Variants in KHDRBS3 observed in about 807,000 individuals in gnomAD.
KHDRBS3 encodes the protein KH RNA binding domain containing, signal transduction associated 3.
In KHDRBS3, 23 loss-of-function variants were observed where a neutral mutation model predicts 45.6. The ratio of observed to expected loss-of-function variants is 0.50; its 90% CI spans 0.36 to 0.72. KHDRBS3 has a LOEUF of 0.72. KHDRBS3 is among the 30% of genes least tolerant of loss of function. KHDRBS3 has a pLI of 0.00. For synonymous variants in KHDRBS3, 162 were observed against 156.5 expected, an observed-to-expected ratio of 1.04 and a Z score of -0.26; for missense variants, 352 against 424.8, an observed-to-expected ratio of 0.83 and a Z score of 1.51.
chr8:135,523,146 T>A (rs1321298845), intron 2 of KHDRBS3, among the ~76,000 whole-genome samples: 4 of 152,176 alleles, frequency 2.6e-5, no homozygotes, highest in Non-Finnish European at 5.9e-5. Context: ...ATACTTTAGA[T>A]CCTTTACAAT....
chr8:135,467,714 C>T (rs991662349), intron 1 of KHDRBS3, among the ~76,000 whole-genome samples: 5 of 152,252 alleles, frequency 3.3e-5, no homozygotes, highest in African/African-American at 9.6e-5. Context: ...GGGCACACCA[C>T]GTCTGTGTCG....
chr8:135,533,294 T>C, intron 2 of KHDRBS3, among the ~76,000 whole-genome samples: 1 of 152,172 alleles, frequency 6.6e-6, no homozygotes, highest in East Asian at 1.9e-4. Context: ...GATCCTTCTT[T>C]TGTGCCTAGT....
chr8:135,543,994 C>T (rs1826168569), intron 3 of KHDRBS3, among the ~76,000 whole-genome samples: 1 of 152,110 alleles, frequency 6.6e-6, no homozygotes, highest in Non-Finnish European at 1.5e-5. Flanking sequence ...CTAAACATTG[C>T]TCTCTTAAAT....
intron 7 of KHDRBS3, among the ~76,000 whole-genome samples, chr8:135,608,306 A>G (rs1829557936): frequency 6.6e-6 from 1 of 152,244 alleles, no homozygotes; most frequent in South Asian, 2.1e-4. Context: ...TTGTTTAAAA[A>G]CATAAATATC....
At chr8:135,518,419 C>G (rs1586650765) in intron 1 of KHDRBS3, among the ~76,000 whole-genome samples, 1 of 152,192 alleles carries the variant, frequency 6.6e-6, no homozygotes, top group East Asian at 1.9e-4. Context: ...CGTGATCCAC[C>G]CGCCTCGGCC....
chr8:135,509,881 T>C (rs1411008441), intron 1 of KHDRBS3, among the ~76,000 whole-genome samples: 1 of 152,172 alleles, frequency 6.6e-6, no homozygotes, highest in African/African-American at 2.4e-5. Context: ...CTGGAATCAT[T>C]TTGGTGTCAC....
intron 6 of KHDRBS3, among the ~76,000 whole-genome samples, chr8:135,604,854 G>T (rs1829385105): frequency 6.6e-6 from 1 of 150,830 alleles, no homozygotes; most frequent in Non-Finnish European, 1.5e-5. Flanking sequence ...GGATTCAAAT[G>T]ACCTTTGTCT....
chr8:135,459,483 G>A (rs1477656844), intron 1 of KHDRBS3, among the ~76,000 whole-genome samples: 1 of 152,198 alleles, frequency 6.6e-6, no homozygotes, highest in African/African-American at 2.4e-5. Context: ...CAGTTCTGCA[G>A]TTGAGTTTGT....
At chr8:135,545,885 C>T (rs890781543) in intron 3 of KHDRBS3, among the ~76,000 whole-genome samples, 2 of 152,288 alleles carry the variant, frequency 1.3e-5, no homozygotes, top group South Asian at 2.1e-4. Context: ...TGCCTGTAAT[C>T]CCAGCACTTT....
chr8:135,477,666 A>T, intron 1 of KHDRBS3, among the ~76,000 whole-genome samples: 1 of 152,210 alleles, frequency 6.6e-6, no homozygotes, highest in Non-Finnish European at 1.5e-5. Flanking sequence ...TGTGAATGTT[A>T]CCTTACATGG....
At chr8:135,503,173 A>T (rs1223150177) in intron 1 of KHDRBS3, among the ~76,000 whole-genome samples, 2 of 152,260 alleles carry the variant, frequency 1.3e-5, no homozygotes, top group African/African-American at 4.8e-5. Flanking sequence ...AGTAGACAAA[A>T]GCGTCATACA....
At chr8:135,486,188 G>T (rs528245486) in intron 1 of KHDRBS3, among the ~76,000 whole-genome samples, 14 of 152,196 alleles carry the variant, frequency 9.2e-5, no homozygotes, top group Admixed American at 6.5e-4. Context: ...TCTCTTTCCA[G>T]TACATTTCTA....
At chr8:135,561,504 C>G (rs1827165436) in intron 5 of KHDRBS3, among the ~76,000 whole-genome samples, 1 of 151,382 alleles carries the variant, frequency 6.6e-6, no homozygotes, top group Non-Finnish European at 1.5e-5. Context: ...TCTGCTTGGT[C>G]CTTCCCTTGT....
At chr8:135,653,094 G>T (rs1831462748) in intron 4 of KHDRBS3, among the ~76,000 whole-genome samples, 1 of 152,172 alleles carries the variant, frequency 6.6e-6, no homozygotes, top group Admixed American at 6.6e-5. Context: ...ACAGGTCCTA[G>T]TACCTAACAG....
At chr8:135,509,973 CCTTTTTTTT>C (rs983670960) in intron 1 of KHDRBS3, among the ~76,000 whole-genome samples, 4 of 141,514 alleles carry the variant, frequency 2.8e-5, no homozygotes, top group African/African-American at 1.1e-4. Flanking sequence ...TTTCCCCCCC[CCTTTTTTTT>C]TTTTTTTTTT....
At chr8:135,528,294 T>C (rs1825295026) in intron 2 of KHDRBS3, among the ~76,000 whole-genome samples, 1 of 152,180 alleles carries the variant, frequency 6.6e-6, no homozygotes, top group African/African-American at 2.4e-5. Context: ...CAGGGAAACT[T>C]TCTTTTTTGA....
chr8:135,557,001 G>A (rs12681761), intron 4 of KHDRBS3, among the ~76,000 whole-genome samples: 29,268 of 152,122 alleles, frequency 0.19, 4,073 homozygotes, highest in African/African-American at 0.4. Context: ...ATGCTGTTGT[G>A]TATGTATATA....
intron 2 of KHDRBS3, among the ~76,000 whole-genome samples, chr8:135,536,213 T>A (rs1421323531): frequency 6.7e-6 from 1 of 149,716 alleles, no homozygotes; most frequent in African/African-American, 2.4e-5. Context: ...TAGACTTCAG[T>A]GTTAATTTGC....
rs59502823 is a variant in KHDRBS3, at chr8:135,515,365, T to TAAAAA, written c.89-5839_89-5835dup. The stretch of plus-strand genomic sequence containing the variant: ...TGGGCGACAGAGCGAGACTCCGTCT[T>TAAAAA]AAAAAAAAAAAAAAAAAAAAAAAAA... On this transcript the variant is annotated intron_variant, in intron 1 of 8. Coordinates refer to ENST00000355849, the MANE Select transcript of KHDRBS3 (RefSeq NM_006558.3). Among the ~76,000 whole-genome samples the TAAAAA allele has an allele frequency of 9.6e-4, 38 of 39,740 alleles. 1 individual carries two copies. The highest frequency in any genetic ancestry group is 1.5e-3 in the Non-Finnish European group (32 of 20,790). The allele number at this position is 39,740 out of a possible 152,430, so 26.1% of individuals were successfully genotyped here. A position where few individuals can be genotyped will look rare whatever the true frequency, so the allele number is the denominator to read the frequency against.
Sources: gnomAD v4.1 joint callset for allele counts (sites outside exome capture counted in the v4.1 genomes callset) on GRCh38, gnomAD v4.1.1 for gene constraint, MANE v1.5 for transcripts, NCBI Gene and HGNC (gene_info 2026-07-23, HGNC 2026-07-21) for gene names.